Variants in CMTM7 observed in about 807,000 individuals in gnomAD.
The protein encoded by CMTM7 is CKLF like MARVEL transmembrane domain containing 7.
CMTM7 carries 7 observed loss-of-function variants against 19.3 expected under a neutral mutation model. That is an observed-to-expected ratio of 0.36 (90% CI 0.21 to 0.68). The LOEUF (loss-of-function observed/expected upper bound fraction) is 0.68. Among genes scored for constraint, CMTM7 ranks in the 30% least tolerant of loss-of-function variants. The pLI is 0.60. For synonymous variants in CMTM7, 87 were observed against 99.3 expected (o/e 0.88, Z 0.74); for missense variants, 193 against 232.6 (o/e 0.83, Z 1.11).
At chr3:32,399,263 GTT>G (rs796825427) in intron 1 of CMTM7, among the ~76,000 whole-genome samples, 10 of 128,426 alleles carry the variant, frequency 7.8e-5, no homozygotes, top group Admixed American at 1.5e-4. Flanking sequence ...GGAACCTTTT[GTT>G]TTTTTTTTTT....
At chr3:32,450,820 T>G (rs914337140) in intron 3 of CMTM7, among the ~76,000 whole-genome samples, 2 of 152,166 alleles carry the variant, frequency 1.3e-5, no homozygotes, top group Non-Finnish European at 2.9e-5. Context: ...ACATAACTGT[T>G]TAGCCCTGGA....
At chr3:32,451,588 G>C (rs1696831619) in intron 3 of CMTM7, 1 of 165,298 alleles carries the variant, frequency 6.0e-6, no homozygotes, top group Non-Finnish European at 1.3e-5. Flanking sequence ...CACCCTGGTA[G>C]GGATGTAGTA....
chr3:32,437,612 G>T (rs1696616135), intron 1 of CMTM7, among the ~76,000 whole-genome samples: 1 of 151,346 alleles, frequency 6.6e-6, no homozygotes, highest in Non-Finnish European at 1.5e-5. Flanking sequence ...AAAAAAATAG[G>T]CCGGGCGCGG....
chr3:32,393,234 C>T lies in CMTM7; in HGVS notation c.159+1169C>T, dbSNP rs576282986. 4.6e-5 allele frequency among the ~76,000 whole-genome samples: 7 copies of T among 152,240 alleles called. No individual in the cohort carries two copies. The South Asian group carries it at 1.0e-3, about 23-fold the overall frequency. On this transcript the variant is annotated intron_variant, in intron 1 of 4. Transcript: ENST00000334983. ...TTGGGCCAGACCTAAAGAGAAGGGG[C>T]GCTGAGTTCCTGCCTCCCTAAGAAC... is the stretch of plus-strand genomic sequence containing the variant.
At chr3:32,394,205 C>T (rs1284306051) in intron 1 of CMTM7, among the ~76,000 whole-genome samples, 1 of 152,150 alleles carries the variant, frequency 6.6e-6, no homozygotes, top group African/African-American at 2.4e-5. Flanking sequence ...CACTTCTCCT[C>T]TTTTCTAAGA....
intron 1 of CMTM7, among the ~76,000 whole-genome samples, chr3:32,414,665 G>A (rs1696231630): frequency 3.3e-5 from 5 of 152,226 alleles, no homozygotes; most frequent in Admixed American, 6.5e-5. Flanking sequence ...AGCTAAGGAA[G>A]AGGAAATGAT....
At chr3:32,438,967 A>C (rs1409575821) in intron 1 of CMTM7, among the ~76,000 whole-genome samples, 1 of 152,190 alleles carries the variant, frequency 6.6e-6, no homozygotes, top group Non-Finnish European at 1.5e-5. Flanking sequence ...GCATAATCCC[A>C]CATTATCTGC....
intron 1 of CMTM7, among the ~76,000 whole-genome samples, chr3:32,441,137 T>C (rs947457646): frequency 7.9e-5 from 12 of 152,208 alleles, no homozygotes; most frequent in Non-Finnish European, 1.5e-4. Flanking sequence ...CTTACACTTT[T>C]GGGAGGTAGA....
At chr3:32,445,928 G>A (rs1472709480) in intron 2 of CMTM7, among the ~76,000 whole-genome samples, 1 of 152,110 alleles carries the variant, frequency 6.6e-6, no homozygotes, top group Admixed American at 6.6e-5. Flanking sequence ...ATATTTTGTT[G>A]AGGATTTTTT....
chr3:32,417,727 T>A (rs1472749355), intron 1 of CMTM7, among the ~76,000 whole-genome samples: 6 of 152,244 alleles, frequency 3.9e-5, no homozygotes, highest in Non-Finnish European at 8.8e-5. Context: ...CAGCATTTGA[T>A]ATTATCAGTA....
At chr3:32,442,100 T>C in intron 2 of CMTM7, 87 bp downstream of exon 2, 1 of 1,249,478 alleles carries the variant, frequency 8.0e-7, no homozygotes, top group Non-Finnish European at 1.1e-6. Context: ...TTTTCCCGTC[T>C]GCCCATCTCA....
intron 1 of CMTM7, among the ~76,000 whole-genome samples, chr3:32,438,110 C>G (rs909284008): frequency 6.6e-6 from 1 of 152,166 alleles, no homozygotes; most frequent in South Asian, 2.1e-4. Flanking sequence ...GAAGTCAGAA[C>G]CCCTACCTCC....
chr3:32,441,911 T>A lies in CMTM7; in HGVS notation c.231T>A (p.Phe77Leu). The A allele has an allele frequency of 6.2e-7, 1 of 1,614,206 alleles. No individual in the cohort carries two copies. The highest frequency in any genetic ancestry group is 8.5e-7 in the Non-Finnish European group (1 of 1,180,032). Residue 77 changes from phenylalanine to leucine, a missense_variant, in exon 2 of 5, where the codon TTT becomes TTA. By Grantham distance (22) the Phe-to-Leu change is conservative. Transcript: ENST00000334983. ...LWTNYSAYSY[F>L]EVVTICDLIM... Reference sequence around the variant, plus strand: ...CCAACTACAGCGCCTACAGCTACTTTGAAGTGGTCACCATTTGCGACTTGA... The same window carrying A: ...CCAACTACAGCGCCTACAGCTACTTAGAAGTGGTCACCATTTGCGACTTGA...
At chr3:32,399,371 A>G (rs1211525755) in intron 1 of CMTM7, among the ~76,000 whole-genome samples, 1 of 151,824 alleles carries the variant, frequency 6.6e-6, no homozygotes, top group East Asian at 1.9e-4. Flanking sequence ...CAATTTTGAC[A>G]GTGCAAAATA....
intron 1 of CMTM7, among the ~76,000 whole-genome samples, chr3:32,416,286 C>T (rs988166276): frequency 7.2e-5 from 11 of 151,818 alleles, no homozygotes; most frequent in African/African-American, 2.7e-4. Flanking sequence ...GCAGCCTCCA[C>T]CTCCCAGGTT....
At chr3:32,442,238 C>T (rs1038843107) in intron 2 of CMTM7, among the ~76,000 whole-genome samples, 2 of 151,552 alleles carry the variant, frequency 1.3e-5, no homozygotes, top group Non-Finnish European at 1.5e-5. Flanking sequence ...TGGCCGGGCG[C>T]GGTGGCTCAC....
intron 1 of CMTM7, among the ~76,000 whole-genome samples, chr3:32,395,097 TGG>T: frequency 6.6e-6 from 1 of 150,534 alleles, no homozygotes. Flanking sequence ...CTTAACCTCC[TGG>T]GCTCGGCGAT....
At chr3:32,442,680 T>C (rs1406900871) in intron 2 of CMTM7, among the ~76,000 whole-genome samples, 2 of 152,138 alleles carry the variant, frequency 1.3e-5, no homozygotes, top group Admixed American at 1.3e-4. Context: ...TAGGATTTTC[T>C]GGCTAAAAGA....
chr3:32,407,304 T>TA (rs1447462799), intron 1 of CMTM7, among the ~76,000 whole-genome samples: 1 of 152,188 alleles, frequency 6.6e-6, no homozygotes, highest in Non-Finnish European at 1.5e-5. Context: ...TTTTTGATGT[T>TA]ACTTTTTCCT....
Sources: allele counts gnomAD v4.1 joint callset (sites outside exome capture counted in the v4.1 genomes callset), GRCh38; gene constraint gnomAD v4.1.1; transcripts MANE v1.5; gene names NCBI Gene and HGNC (gene_info 2026-07-23, HGNC 2026-07-21).